ST3GAL2: variants seen among roughly 807,000 people sequenced by gnomAD.
ST3GAL2 encodes ST3 beta-galactoside alpha-2,3-sialyltransferase 2.
Under a neutral mutation model 37.5 loss-of-function variants are expected in ST3GAL2, and 16 were observed. The observed-to-expected ratio is 0.43, with a 90% CI of 0.29 to 0.65. The LOEUF (loss-of-function observed/expected upper bound fraction) is 0.65. Among genes scored for constraint, ST3GAL2 ranks in the 30% least tolerant of loss-of-function variants. ST3GAL2 has a pLI of 0.17. For missense variants in ST3GAL2, 383 were observed against 487.8 expected, an observed-to-expected ratio of 0.79 and a Z score of 2.02; for synonymous variants, 238 against 202.9, an observed-to-expected ratio of 1.17 and a Z score of -1.47.
intron 4 of ST3GAL2, among the ~76,000 whole-genome samples, chr16:70,384,902 G>C (rs184256490): frequency 6.6e-6 from 1 of 152,040 alleles, no homozygotes; most frequent in African/African-American, 2.4e-5. Context: ...CCAGCTACTC[G>C]GGAGGCTGAG....
chr16:70,413,605 G>A (rs1353857053), intron 1 of ST3GAL2, among the ~76,000 whole-genome samples: 5 of 147,398 alleles, frequency 3.4e-5, no homozygotes, highest in Non-Finnish European at 6.0e-5. Flanking sequence ...GCGTGGTTGC[G>A]CATGCCTGTG....
chr16:70,383,070 C>G (rs1286093238), intron 5 of ST3GAL2, 120 bp downstream of exon 5: 1 of 1,579,306 alleles, frequency 6.3e-7, no homozygotes, highest in Non-Finnish European at 8.7e-7. Context: ...GGTCAGGCAT[C>G]TCGGCAGATG....
chr16:70,436,458 G>GAA (rs58205790), intron 1 of ST3GAL2, among the ~76,000 whole-genome samples: 5,485 of 112,268 alleles, frequency 0.049, 400 homozygotes, highest in African/African-American at 0.18. Context: ...CTCAAAAAAA[G>GAA]AAAAAAAAAA....
At chr16:70,394,316 G>T in intron 3 of ST3GAL2, among the ~76,000 whole-genome samples, 1 of 152,186 alleles carries the variant, frequency 6.6e-6, no homozygotes, top group Non-Finnish European at 1.5e-5. Context: ...TGCTAGCTGG[G>T]CTTGGGGCCC....
chr16:70,382,486 G>A lies in ST3GAL2; in HGVS notation c.879+319C>T, dbSNP rs997832978. Among the ~76,000 whole-genome samples the A allele has an allele frequency of 1.3e-5, 2 of 152,168 alleles. 1 individual carries two copies. The highest frequency in any genetic ancestry group is 4.1e-4 in the South Asian group (2 of 4,830). ...TTTAGTAGAGATGGGGCTTCACCAT[G>A]TTGGCCAGGCTGGTCTTGAACTCCT... On this transcript the variant is annotated intron_variant, in intron 6 of 6. Coordinates refer to ENST00000342907, the MANE Select transcript of ST3GAL2 (RefSeq NM_006927.4).
rs973719918 is a variant in ST3GAL2 at position 70,382,005 on chromosome 16, T to G, written c.880-143A>C. 15 of 920,168 alleles carry G rather than the reference T, an allele frequency of 1.6e-5. No individual in the cohort carries two copies. The African/African-American group carries it at 2.0e-4, about 12-fold the overall frequency. 57.0% of individuals were successfully genotyped at this position (920,168 alleles called of 1,614,324 possible). ...CCAGGCCTGGCCTAAGGACATGGAC[T>G]CACATGGGGACACCACCTTCCCTTT... On this transcript the variant is annotated intron_variant, in intron 6 of 6. Coordinates refer to ENST00000342907, the MANE Select transcript of ST3GAL2 (RefSeq NM_006927.4).
chr16:70,436,318 C>T (rs1567679945), intron 1 of ST3GAL2, among the ~76,000 whole-genome samples: 1 of 151,506 alleles, frequency 6.6e-6, no homozygotes, highest in Non-Finnish European at 1.5e-5. Context: ...ATCCTAGGTT[C>T]CTGTCACCCC....
Position 70,383,136 on chromosome 16 carries a change from A to G in ST3GAL2, c.759+54T>C, listed in dbSNP as rs1016809469. 9.3e-6 allele frequency: 15 copies of G among 1,605,740 alleles called. No homozygotes were observed. In the African/African-American group the frequency reaches 2.0e-4, roughly 22 times the overall value. ...ACACCTGAGCTACAGGACCAGGCAC[A>G]CAGGCTGGGCCAGCACTGTTTCCAC... On this transcript the variant is annotated intron_variant, in intron 5 of 6. Transcript: ENST00000342907.
intron 1 of ST3GAL2, among the ~76,000 whole-genome samples, chr16:70,412,836 C>T (rs1383883250): frequency 2.0e-5 from 3 of 151,562 alleles, no homozygotes; most frequent in Admixed American, 6.6e-5. Flanking sequence ...CACTTGAGCT[C>T]AGGAGTTCGA....
chr16:70,415,020 T>C (rs1348638576), intron 1 of ST3GAL2, among the ~76,000 whole-genome samples: 1 of 152,100 alleles, frequency 6.6e-6, no homozygotes, highest in African/African-American at 2.4e-5. Context: ...ACTACAGGCG[T>C]CCGCCACCAA....
chr16:70,381,952 GGGAGGCCCCGGGGAGATGCA>G, intron 6 of ST3GAL2, 90 bp from the exon 7 acceptor site: 1 of 1,535,502 alleles, frequency 6.5e-7, no homozygotes, highest in Non-Finnish European at 8.8e-7. Context: ...GAGAGGGGAC[GGGAGGCCCCGGGGAGATGCA>G]GGAGCCCCCA....
rs973953208 is a variant in ST3GAL2, at chr16:70,398,130, G to C, written c.339+62C>G. 10 of 1,545,898 alleles carry C rather than the reference G, an allele frequency of 6.5e-6. No individual in the cohort carries two copies. In the African/African-American group the frequency reaches 8.2e-5, roughly 13 times the overall value. On this transcript the variant is annotated intron_variant, in intron 2 of 6. Transcript: ENST00000342907. Reference sequence around the variant, plus strand: ...GGCTCTGGGGGCCAGAAATCCAAGAGGGGGCTCTGAGTGGCTCTAAAACTG... The same window carrying C: ...GGCTCTGGGGGCCAGAAATCCAAGACGGGGCTCTGAGTGGCTCTAAAACTG...
rs191185449 is a variant in ST3GAL2 at position 70,376,566 on chromosome 16, G to A, written c.*5123C>T. 1 of 152,252 alleles carries A rather than the reference G, an allele frequency of 6.6e-6. No homozygotes were observed. Among genetic ancestry groups the A allele is most frequent in the Admixed American group, 6.5e-5 (1 of 15,290 alleles). 9.4% of individuals were successfully genotyped at this position (152,252 alleles called of 1,614,324 possible). ...TTACCCAGGCATAGACTTGCTGCAG[G>A]AGCTGTGATTTTTTTCACAAAAGTA... On this transcript the variant is annotated 3_prime_UTR_variant, in exon 7 of 7. Coordinates refer to ENST00000342907, the MANE Select transcript of ST3GAL2 (RefSeq NM_006927.4).
rs1200533052 is a variant in ST3GAL2, at chr16:70,376,388, G to C, written c.*5301C>G. On this transcript the variant is annotated 3_prime_UTR_variant, in exon 7 of 7. Transcript: ENST00000342907. Reference sequence around the variant, plus strand: ...CTCTGGAGAGAACCAGGCTGCCAGAGAGTCTGTGCTGTTCTCAGCAGCACA... The same window carrying C: ...CTCTGGAGAGAACCAGGCTGCCAGACAGTCTGTGCTGTTCTCAGCAGCACA... 1 of 152,270 alleles carries C rather than the reference G, an allele frequency of 6.6e-6. No individual in the cohort carries two copies. Among genetic ancestry groups the C allele is most frequent in the African/African-American group, 2.4e-5 (1 of 41,472 alleles). The allele number at this position is 152,270 out of a possible 1,614,324, so 9.4% of individuals were successfully genotyped here.
chr16:70,407,175 C>T (rs1372453061), intron 1 of ST3GAL2, among the ~76,000 whole-genome samples: 1 of 149,540 alleles, frequency 6.7e-6, no homozygotes, highest in Admixed American at 6.7e-5. Context: ...GAGTCTCACT[C>T]GGTTGCCCAG....
chr16:70,433,592 G>C (rs1019558912), intron 1 of ST3GAL2, among the ~76,000 whole-genome samples: 2 of 152,130 alleles, frequency 1.3e-5, no homozygotes, highest in Non-Finnish European at 2.9e-5. Context: ...TCCTCCCTCA[G>C]ATATGAATCC....
At chr16:70,423,236 C>A (rs926402259) in intron 1 of ST3GAL2, among the ~76,000 whole-genome samples, 7 of 151,974 alleles carry the variant, frequency 4.6e-5, no homozygotes. Context: ...AGGCTGGGCG[C>A]GGTGGCTCAC....
intron 1 of ST3GAL2, among the ~76,000 whole-genome samples, chr16:70,418,714 C>T (rs2047692452): frequency 2.0e-5 from 3 of 152,316 alleles, no homozygotes; most frequent in East Asian, 3.9e-4. Context: ...ACGCTCTAGC[C>T]TGGTTGTGGA....
rs549474406 is a variant in ST3GAL2 at position 70,381,545 on chromosome 16, C to A, written c.*144G>T. 3.3e-5 allele frequency: 33 copies of A among 987,952 alleles called. No individual in the cohort carries two copies. The highest frequency in any genetic ancestry group is 4.8e-5 in the Non-Finnish European group (33 of 691,714). The allele number at this position is 987,952 out of a possible 1,614,324, so 61.2% of individuals were successfully genotyped here. ...CAGCGCAGATTGGTGCCAGGCCCGG[C>A]CGGTCCCCCAGTCTCGTGATTGGCG... On this transcript the variant is annotated 3_prime_UTR_variant, in exon 7 of 7. Transcript: ENST00000342907.
Sources: gnomAD v4.1 joint callset for allele counts (sites outside exome capture counted in the v4.1 genomes callset) on GRCh38, gnomAD v4.1.1 for gene constraint, MANE v1.5 for transcripts, NCBI Gene and HGNC (gene_info 2026-07-23, HGNC 2026-07-21) for gene names.